SPRED2: variants seen among roughly 807,000 people sequenced by gnomAD.
The protein encoded by SPRED2 is sprouty related EVH1 domain containing 2.
In SPRED2, 47 loss-of-function variants were observed where a neutral mutation model predicts 43.0. That is an observed-to-expected ratio of 1.09 (90% CI 0.87 to 1.40). SPRED2 has a LOEUF of 1.40. Ranked by LOEUF, SPRED2 falls within the 40% of genes most tolerant of loss-of-function variation. The pLI is 0.00. For synonymous variants in SPRED2, 225 were observed against 225.7 expected, an observed-to-expected ratio of 1.00 and a Z score of 0.03; for missense variants, 561 against 586.4, an observed-to-expected ratio of 0.96 and a Z score of 0.45.
At chr2:65,418,003 C>A (rs13383320) in intron 1 of SPRED2, among the ~76,000 whole-genome samples, 64,954 of 152,030 alleles carry the variant, frequency 0.43, 14,477 homozygotes, top group African/African-American at 0.54. Context: ...TTTCACAGCC[C>A]CCTTGACCAT....
chr2:65,402,535 C>G (rs1312754920), intron 1 of SPRED2, among the ~76,000 whole-genome samples: 4 of 152,128 alleles, frequency 2.6e-5, no homozygotes, highest in Non-Finnish European at 5.9e-5. Context: ...GTCATCTGCA[C>G]ACAGATGGGA....
chr2:65,377,371 ATGCATACG>A (rs769722159), intron 1 of SPRED2, among the ~76,000 whole-genome samples: 9 of 152,228 alleles, frequency 5.9e-5, no homozygotes, highest in Non-Finnish European at 1.2e-4. Flanking sequence ...ATAATGAATG[ATGCATACG>A]TGGTAGCACT....
At chr2:65,345,263 T>G (rs957258533) in intron 1 of SPRED2, among the ~76,000 whole-genome samples, 34 of 87,028 alleles carry the variant, frequency 3.9e-4, no homozygotes, top group African/African-American at 2.0e-3. Flanking sequence ...GTTGTTGTTT[T>G]TTTTTTTTTT....
At chr2:65,401,937 G>GCGCGCACGCGCACACA (rs776512353) in intron 1 of SPRED2, among the ~76,000 whole-genome samples, 4 of 114,762 alleles carry the variant, frequency 3.5e-5, no homozygotes, top group African/African-American at 1.3e-4. Context: ...GCGCGCGCGC[G>GCGCGCACGCGCACACA]CACACACACA....
At chr2:65,403,935 T>C (rs1000762115) in intron 1 of SPRED2, among the ~76,000 whole-genome samples, 1 of 152,192 alleles carries the variant, frequency 6.6e-6, no homozygotes, top group African/African-American at 2.4e-5. Flanking sequence ...CCAGGTGTGG[T>C]GGCTCACTCC....
chr2:65,371,914 A>G (rs1266974685), intron 1 of SPRED2, among the ~76,000 whole-genome samples: 1 of 152,114 alleles, frequency 6.6e-6, no homozygotes, highest in East Asian at 1.9e-4. Flanking sequence ...CGTCTCTACT[A>G]AAAATACAAA....
intron 1 of SPRED2, among the ~76,000 whole-genome samples, chr2:65,428,299 G>A (rs1331138224): frequency 6.6e-6 from 1 of 152,170 alleles, no homozygotes; most frequent in Non-Finnish European, 1.5e-5. Context: ...AAACTGACAT[G>A]ACATATGAAA....
intron 5 of SPRED2, 94 bp downstream of exon 5, chr2:65,316,640 G>A: frequency 6.9e-7 from 1 of 1,447,008 alleles, no homozygotes; most frequent in Non-Finnish European, 9.4e-7. Flanking sequence ...GAGGCCTGTG[G>A]TCATGGAATT....
intron 1 of SPRED2, among the ~76,000 whole-genome samples, chr2:65,384,626 C>T (rs67039819): frequency 0.052 from 7,863 of 152,154 alleles, 297 homozygotes; most frequent in Middle Eastern, 0.15. Flanking sequence ...TCCCTTAGAC[C>T]GACCCCAGAA....
chr2:65,385,698 T>C (rs1002532944), intron 1 of SPRED2, among the ~76,000 whole-genome samples: 2 of 152,166 alleles, frequency 1.3e-5, no homozygotes, highest in Non-Finnish European at 2.9e-5. Flanking sequence ...AGGATTTTCA[T>C]ACCTAGAAAC....
Position 65,390,430 on chromosome 2 carries a change from G to A in SPRED2, c.26+41532C>T, listed in dbSNP as rs946521886. Among the ~76,000 whole-genome samples, 4 of 152,142 alleles carry A rather than the reference G, an allele frequency of 2.6e-5. No homozygotes were observed. The South Asian group carries it at 6.2e-4, about 24-fold the overall frequency. On this transcript the variant is annotated intron_variant, in intron 1 of 5. Transcript: ENST00000356388. ...TGAGCCTGGCCAGCCCAGAGGTTTG[G>A]CGTGGGGAGTAACAGCATCGTTACT...
chr2:65,362,864 AAAAAAGAAAAG>A (rs1674857692), intron 1 of SPRED2, among the ~76,000 whole-genome samples: 1 of 150,820 alleles, frequency 6.6e-6, no homozygotes, highest in African/African-American at 2.4e-5. Context: ...ATTTCAAAAA[AAAAAAGAAAAG>A]AAAAGAAAAG....
chr2:65,407,244 C>CTTTTTTTTT (rs1676046098), intron 1 of SPRED2, among the ~76,000 whole-genome samples: 9 of 38,340 alleles, frequency 2.3e-4, no homozygotes, highest in African/African-American at 8.0e-4. Flanking sequence ...GGCGCTGGCT[C>CTTTTTTTTT]CTTTTTTTTT....
chr2:65,419,945 C>T (rs1175267473), intron 1 of SPRED2, among the ~76,000 whole-genome samples: 3 of 152,102 alleles, frequency 2.0e-5, no homozygotes, highest in Non-Finnish European at 2.9e-5. Context: ...CGCGGTGGCT[C>T]ACACCTGTAA....
In SPRED2 at chr2:65,314,122, C is replaced by G. The variant is rs1165125142; in HGVS notation, c.636G>C (p.Glu212Asp). Residue 212 changes from glutamate to aspartate, a missense_variant, in exon 6 of 6, where the codon GAG becomes GAC. Transcript: ENST00000356388. ...YRQVSFPDDD[E>D]EIVRINPREK... The stretch of plus-strand genomic sequence containing the variant: ...CCCGGGGGTTGATGCGCACGATCTC[C>G]TCGTCGTCGTCCGGGAAGCTCACCT... The G allele has an allele frequency of 6.2e-6, 10 of 1,606,636 alleles. No individual in the cohort carries two copies. Among genetic ancestry groups the G allele is most frequent in the Non-Finnish European group, 8.5e-6 (10 of 1,173,874 alleles).
At chr2:65,370,874 C>T (rs1675108560) in intron 1 of SPRED2, among the ~76,000 whole-genome samples, 1 of 152,160 alleles carries the variant, frequency 6.6e-6, no homozygotes, top group Non-Finnish European at 1.5e-5. Flanking sequence ...CAGCCATCCT[C>T]CCCTCCCCCG....
intron 2 of SPRED2, among the ~76,000 whole-genome samples, chr2:65,339,689 C>G (rs1337268428): frequency 6.0e-5 from 8 of 133,380 alleles, no homozygotes; most frequent in African/African-American, 2.3e-4. Flanking sequence ...GAGAAACACC[C>G]AAGAATGATC....
chr2:65,366,016 A>G (rs2104328695), intron 1 of SPRED2, among the ~76,000 whole-genome samples: 1 of 146,666 alleles, frequency 6.8e-6, no homozygotes, highest in East Asian at 2.2e-4. Flanking sequence ...GTATGAGCAA[A>G]TTGTGATTTA....
intron 4 of SPRED2, among the ~76,000 whole-genome samples, chr2:65,327,517 G>T (rs1239657386): frequency 1.1e-4 from 16 of 152,034 alleles, no homozygotes; most frequent in African/African-American, 3.4e-4. Flanking sequence ...TCCTCTTACA[G>T]CGTAATGTGA....
Sources: allele counts gnomAD v4.1 joint callset (sites outside exome capture counted in the v4.1 genomes callset), GRCh38; gene constraint gnomAD v4.1.1; transcripts MANE v1.5; gene names NCBI Gene and HGNC (gene_info 2026-07-23, HGNC 2026-07-21).